Variants in RBPJ observed in about 807,000 individuals in gnomAD.
RBPJ encodes the protein recombination signal binding protein for immunoglobulin kappa J region.
A neutral mutation model predicts 67.8 loss-of-function variants in RBPJ; 9 were observed. That is an observed-to-expected ratio of 0.13 (90% CI 0.08 to 0.23). The LOEUF (loss-of-function observed/expected upper bound fraction) is 0.23, where lower values mean the gene tolerates loss of function less well. RBPJ is among the 10% of genes least tolerant of loss of function. The pLI is 1.00. For missense variants in RBPJ, 305 were observed against 595.6 expected, an observed-to-expected ratio of 0.51 and a Z score of 5.08; for synonymous variants, 198 against 203.3, an observed-to-expected ratio of 0.97 and a Z score of 0.22.
upstream of RBPJ, chr4:26,319,740 G>A: frequency 2.3e-6 from 2 of 861,210 alleles, no homozygotes; most frequent in Admixed American, 1.9e-5. Flanking sequence ...CGCTCGCGCG[G>A]GCCGCGCCAA....
At chr4:26,369,875 T>TTC (rs1313468692) in intron 1 of RBPJ, among the ~76,000 whole-genome samples, 1 of 152,180 alleles carries the variant, frequency 6.6e-6, no homozygotes, top group East Asian at 1.9e-4. Context: ...ACCAGCCCCT[T>TTC]TCTCTCTCTT....
At chr4:26,207,405 G>A (rs780249468) in intron 1 of RBPJ, among the ~76,000 whole-genome samples, 18 of 152,230 alleles carry the variant, frequency 1.2e-4, no homozygotes, top group East Asian at 1.9e-4. Context: ...AGTCTTCCCC[G>A]CAAAGCACCT....
chr4:26,319,900 G>A, upstream of RBPJ: 1 of 1,592,006 alleles, frequency 6.3e-7, no homozygotes, highest in Non-Finnish European at 8.6e-7. Flanking sequence ...TAGGAGGAGG[G>A]GGCGGGATTC....
chr4:26,259,995 T>C (rs1720474435), intron 1 of RBPJ, among the ~76,000 whole-genome samples: 2 of 152,248 alleles, frequency 1.3e-5, no homozygotes, highest in Admixed American at 1.3e-4. Context: ...TTTCATGTCA[T>C]GATAGGGGCC....
intron 3 of RBPJ, among the ~76,000 whole-genome samples, chr4:26,407,090 C>T (rs1056582920): frequency 3.3e-5 from 5 of 152,168 alleles, no homozygotes; most frequent in African/African-American, 1.2e-4. Context: ...TTCTTTTGGG[C>T]TACATAATGT....
At chr4:26,316,827 CTTTTTTTTTTT>C (rs56130072), upstream of RBPJ, among the ~76,000 whole-genome samples, 4 of 71,396 alleles carry the variant, frequency 5.6e-5, no homozygotes, top group African/African-American at 2.2e-4. Context: ...ACCCAGACGA[CTTTTTTTTTTT>C]TTTTTTTTTT....
chr4:26,360,301 T>C (rs1727902695), intron 1 of RBPJ, among the ~76,000 whole-genome samples: 1 of 152,226 alleles, frequency 6.6e-6, no homozygotes, highest in Non-Finnish European at 1.5e-5. Context: ...TTTTCTTCCA[T>C]TCATTCAACA....
chr4:26,391,271 A>G (rs188418935), intron 2 of RBPJ, among the ~76,000 whole-genome samples: 3 of 152,380 alleles, frequency 2.0e-5, no homozygotes, highest in African/African-American at 7.2e-5. Context: ...AATTTAAAGT[A>G]TTGTATTGGC....
chr4:26,382,785 C>T (rs893463726), intron 1 of RBPJ, among the ~76,000 whole-genome samples: 3 of 152,216 alleles, frequency 2.0e-5, no homozygotes, highest in African/African-American at 4.8e-5. Flanking sequence ...ACGCAGTCCA[C>T]CCACCTTGGC....
intron 1 of RBPJ, among the ~76,000 whole-genome samples, chr4:26,338,577 CT>C (rs34060445): frequency 2.5e-3 from 338 of 137,504 alleles, no homozygotes; most frequent in African/African-American, 3.8e-3. Flanking sequence ...TAGGCTCTAA[CT>C]TTTTTTTTTT....
chr4:26,286,038 G>GCTGCAGTGCGCTATGATCGTGCCA (rs372629540), intron 1 of RBPJ, among the ~76,000 whole-genome samples: 14,925 of 86,406 alleles, frequency 0.17, 1,192 homozygotes, highest in African/African-American at 0.26. Context: ...GGAATTCAAG[G>GCTGCAGTGCGCTATGATCGTGCCA]CTGCAGTGCG....
chr4:26,215,321 GAAAGAA>G (rs1274383822), intron 1 of RBPJ, among the ~76,000 whole-genome samples: 6 of 82,422 alleles, frequency 7.3e-5, no homozygotes, highest in East Asian at 1.0e-3. Flanking sequence ...GAGAAAGAAA[GAAAGAA>G]AAAGAGAGAG....
intron 1 of RBPJ, among the ~76,000 whole-genome samples, chr4:26,333,340 A>G (rs1355598315): frequency 6.6e-6 from 1 of 152,172 alleles, no homozygotes; most frequent in Non-Finnish European, 1.5e-5. Context: ...CAGGGAGCTA[A>G]CACTTTGTTG....
the RBPJ span, among the ~76,000 whole-genome samples, chr4:26,131,421 TAC>T: frequency 9.6e-4 from 146 of 151,684 alleles, no homozygotes; most frequent in African/African-American, 3.3e-3. Context: ...AAAATTGTTT[TAC>T]ACACACACAC....
At chr4:26,405,781 T>C (rs747004152) in intron 2 of RBPJ, among the ~76,000 whole-genome samples, 1 of 152,154 alleles carries the variant, frequency 6.6e-6, no homozygotes. Context: ...GTAGGGAAAC[T>C]GAGGAAGGGA....
At chr4:26,402,152 T>C (rs1474659453) in intron 2 of RBPJ, among the ~76,000 whole-genome samples, 1 of 152,162 alleles carries the variant, frequency 6.6e-6, no homozygotes, top group Non-Finnish European at 1.5e-5. Context: ...CCTCCCAAAG[T>C]ACTGGGATTA....
the RBPJ span, among the ~76,000 whole-genome samples, chr4:26,156,113 GAAT>G: frequency 6.6e-6 from 1 of 152,094 alleles, no homozygotes. Flanking sequence ...CATCAAATGG[GAAT>G]AATAACTCAT....
intron 1 of RBPJ, among the ~76,000 whole-genome samples, chr4:26,385,419 G>A (rs1730813197): frequency 6.6e-6 from 1 of 152,116 alleles, no homozygotes; most frequent in Admixed American, 6.5e-5. Flanking sequence ...GAGGAAACAG[G>A]TCTAGAAAGT....
intron 2 of RBPJ, among the ~76,000 whole-genome samples, chr4:26,403,955 C>A (rs1376754033): frequency 6.6e-6 from 1 of 152,116 alleles, no homozygotes; most frequent in Non-Finnish European, 1.5e-5. Context: ...TTTGAGGAAT[C>A]GCCATACTAC....
Sources: gnomAD v4.1 joint callset for allele counts (sites outside exome capture counted in the v4.1 genomes callset) on GRCh38, gnomAD v4.1.1 for gene constraint, MANE v1.5 for transcripts, NCBI Gene and HGNC (gene_info 2026-07-23, HGNC 2026-07-21) for gene names.